The following PHLDB1 variants were observed in gnomAD, a reference collection of about 807,000 sequenced individuals.
PHLDB1 encodes pleckstrin homology-like domain family B member 1.
Under a neutral mutation model 139.3 loss-of-function variants are expected in PHLDB1, and 65 were observed. That is an observed-to-expected ratio of 0.47 (90% CI 0.38 to 0.57). PHLDB1 has a LOEUF of 0.57. PHLDB1 is among the 20% of genes least tolerant of loss of function. The probability of loss-of-function intolerance (pLI) is 0.00; values close to 1 mark genes in which losing one functional copy is unlikely to be tolerated. For synonymous variants in PHLDB1, 679 were observed against 734.5 expected, an observed-to-expected ratio of 0.92 and a Z score of 1.22; for missense variants, 1,624 against 1,839.7, an observed-to-expected ratio of 0.88 and a Z score of 2.14.
Position 118,645,335 on chromosome 11 carries a change from TC to T in PHLDB1, c.3122-18del. ...AGCTGCGTGGGGAGCCCACTGTGAC[TC>T]CCATCTGTCTCTCCTTCAGGACAAC... On this transcript the variant is annotated intron_variant, in intron 15 of 22. Coordinates refer to ENST00000600882, the MANE Select transcript of PHLDB1 (RefSeq NM_001144758.3). The surrounding 1 kb of genome is among the most constrained non-coding windows in gnomAD (Gnocchi z 5.1). 4 of 1,505,212 alleles carry T rather than the reference TC, an allele frequency of 2.7e-6. No homozygotes were observed. Among genetic ancestry groups the T allele is most frequent in the Non-Finnish European group, 3.5e-6 (4 of 1,127,058 alleles). 93.2% of individuals were successfully genotyped at this position (1,505,212 alleles called of 1,614,324 possible).
intron 10 of PHLDB1, 33 bp downstream of exon 10, chr11:118,635,581 TTGGAGGCCAGTGACC>T: frequency 6.8e-7 from 1 of 1,470,240 alleles, no homozygotes; most frequent in Non-Finnish European, 9.0e-7. Flanking sequence ...CTGCGTGCTG[TTGGAGGCCAGTGACC>T]TGGGTTTGAA....
rs1029064298 is a variant in PHLDB1 at position 118,610,315 on chromosome 11, C to T, written c.-22+2616C>T. ...TTCTCATCCTTAAGTTCTCTCGTCC[C>T]CCTCCCCACTCGGGCGTCCCCCGCT... On this transcript the variant is annotated intron_variant, in intron 1 of 22. Coordinates refer to ENST00000600882, the MANE Select transcript of PHLDB1 (RefSeq NM_001144758.3). This position sits in a 1 kb window ranked among gnomAD's most constrained non-coding sequence, Gnocchi z 8.7. 22 of 255,462 alleles carry T rather than the reference C, an allele frequency of 8.6e-5. No homozygotes were observed. Among genetic ancestry groups the T allele is most frequent in the Non-Finnish European group, 1.3e-4 (21 of 162,448 alleles). The allele number at this position is 255,462 out of a possible 1,614,324, so 15.8% of individuals were successfully genotyped here. A position where few individuals can be genotyped will look rare whatever the true frequency, so the allele number is the denominator to read the frequency against.
At position 118,632,846 on chromosome 11, in the gene PHLDB1, A is replaced by C. The variant is rs1207885563; in HGVS notation, c.2379+550A>C. 1.0e-6 allele frequency: 1 copy of C among 985,566 alleles called. No individual in the cohort carries two copies. Among genetic ancestry groups the C allele is most frequent in the Non-Finnish European group, 1.2e-6 (1 of 829,946 alleles). 61.1% of individuals were successfully genotyped at this position (985,566 alleles called of 1,614,324 possible). ...TGCAGGGGCCACTCCCAGATGCCCA[A>C]CACCGTGCCAAAAGCTCTGAAGTGG... On this transcript the variant is annotated intron_variant, in intron 9 of 22. Transcript: ENST00000600882. This position sits in a 1 kb window ranked among gnomAD's most constrained non-coding sequence, Gnocchi z 5.9.
At chr11:118,625,116 T>G in intron 5 of PHLDB1, 57 bp downstream of exon 5, 1 of 1,526,256 alleles carries the variant, frequency 6.6e-7, no homozygotes, top group Non-Finnish European at 8.8e-7. Context: ...GCAGTCCTCC[T>G]CCTTGCTCAC....
In PHLDB1 at chr11:118,645,687, C is replaced by T. The variant is rs143961262; in HGVS notation, c.3416+37C>T. The T allele has an allele frequency of 7.1e-4, 1,152 of 1,612,726 alleles. 5 individuals are homozygous for T. The highest frequency in any genetic ancestry group is 3.1e-3 in the Middle Eastern group (19 of 6,058). Reference sequence around the variant, plus strand: ...GCCTGGGCCCGCAGCCTCCCTCAGCCACCGCCTCAGCTCCTTGATGCACTT... The same window carrying T: ...GCCTGGGCCCGCAGCCTCCCTCAGCTACCGCCTCAGCTCCTTGATGCACTT... On this transcript the variant is annotated intron_variant, in intron 16 of 22. Coordinates refer to ENST00000600882, the MANE Select transcript of PHLDB1 (RefSeq NM_001144758.3). This position sits in a 1 kb window ranked among gnomAD's most constrained non-coding sequence, Gnocchi z 5.1.
In PHLDB1 at chr11:118,631,246, G is replaced by A. The variant is rs1214983957; in HGVS notation, c.1867G>A (p.Glu623Lys). 8.9e-6 allele frequency: 13 copies of A among 1,463,722 alleles called. No homozygotes were observed. The South Asian group carries it at 1.0e-4, about 12-fold the overall frequency. 90.7% of individuals were successfully genotyped at this position (1,463,722 alleles called of 1,614,324 possible). A position where few individuals can be genotyped will look rare whatever the true frequency, so the allele number is the denominator to read the frequency against. Residue 623 changes from glutamate to lysine, a missense_variant, in exon 7 of 23, where the codon GAA becomes AAA. Glu to Lys is a moderately conservative substitution (Grantham distance 56). Transcript: ENST00000600882. ...RLETILNLCA[E>K]YSRADGGPEA... ...GGAGACCATCCTGAACCTGTGTGCC[G>A]AATACAGCCGGGCTGATGGGGGACC...
rs1209075608 is a variant in PHLDB1 at position 118,632,048 on chromosome 11, C to G, written c.2236C>G (p.Arg746Gly). The G allele has an allele frequency of 2.5e-6, 4 of 1,613,806 alleles. No individual in the cohort carries two copies. The highest frequency in any genetic ancestry group is 3.4e-6 in the Non-Finnish European group (4 of 1,179,838). Residue 746 changes from arginine to glycine, a missense_variant, in exon 8 of 23, where the codon CGA (arginine) becomes GGA (glycine). Transcript: ENST00000600882. This position sits in a 1 kb window ranked among gnomAD's most constrained non-coding sequence, Gnocchi z 5.9. The stretch of plus-strand genomic sequence containing the variant: ...AGAGCAGCAGCTGCAGGAGTCAGCC[C>G]GAGAGGTGAGCCGTGAAGTCCCTAG... ...ELEQQLQESA[R>G]EAEMERALLQ...
rs60410426 is a variant in PHLDB1 at position 118,611,828 on chromosome 11, A to T, written c.-21-1988A>T. ...AGTGAAACTCCGTCTCAAAAAAAAA[A>T]AAAAAATAATAATAATAATAATAAA... On this transcript the variant is annotated intron_variant, in intron 1 of 22. Transcript: ENST00000600882. The surrounding 1 kb of genome is among the most constrained non-coding windows in gnomAD (Gnocchi z 4.7). Among the ~76,000 whole-genome samples, 1 of 135,212 alleles carries T rather than the reference A, an allele frequency of 7.4e-6. No individual in the cohort carries two copies. The highest frequency in any genetic ancestry group is 1.6e-5 in the Non-Finnish European group (1 of 60,912). The allele number at this position is 135,212 out of a possible 152,430, so 88.7% of individuals were successfully genotyped here.
At chr11:118,651,201 A>T (rs1948292988) in intron 20 of PHLDB1, 1 of 152,408 alleles carries the variant, frequency 6.6e-6, no homozygotes. Flanking sequence ...ATAAAATCCC[A>T]GTGGCTGGAC....
In PHLDB1 at chr11:118,614,562, G is replaced by C. The variant is rs1555086978; in HGVS notation, c.64G>C (p.Gly22Arg). Reference protein sequence around the residue: ...GCQTQTMVQKGPLDLIETGKG... With the variant: ...GCQTQTMVQKRPLDLIETGKG... ...CCTCCACCCGTACTACCTACAGAAA[G>C]GACCCTTGGACCTGATCGAGACAGG... The change falls in exon 3 of 23, where the codon GGA becomes CGA. Residue 22 changes from glycine (G) to arginine (R), a missense_variant. Transcript: ENST00000600882. 1 of 1,613,834 alleles carries C rather than the reference G, an allele frequency of 6.2e-7. No individual in the cohort carries two copies. The highest frequency in any genetic ancestry group is 1.6e-4 in the Middle Eastern group (1 of 6,062).
rs1361609463 is a variant in PHLDB1, at chr11:118,608,821, G to A, written c.-22+1122G>A. On this transcript the variant is annotated intron_variant, in intron 1 of 22. Transcript: ENST00000600882. This position sits in a 1 kb window ranked among gnomAD's most constrained non-coding sequence, Gnocchi z 6.7. ...TCCATGCCTTACGCCTCACAGGAAA[G>A]CGCCCCGCGCTCACGCAGCCCCTCA... 6.6e-6 allele frequency among the ~76,000 whole-genome samples: 1 copy of A among 151,940 alleles called. No homozygotes were observed. Among genetic ancestry groups the A allele is most frequent in the African/African-American group, 2.4e-5 (1 of 41,352 alleles).
chr11:118,613,264 G>A, intron 1 of PHLDB1: 1 of 983,354 alleles, frequency 1.0e-6, no homozygotes, highest in Non-Finnish European at 1.2e-6. Context: ...AGCAGGAATG[G>A]CTGAGTTTTT....
Position 118,632,047 on chromosome 11 carries a change from C to T in PHLDB1, c.2235C>T (p.Ala745=). The T allele has an allele frequency of 5.6e-6, 9 of 1,613,818 alleles. No individual in the cohort carries two copies. Among genetic ancestry groups the T allele is most frequent in the Non-Finnish European group, 7.6e-6 (9 of 1,179,856 alleles). ...TAGAGCAGCAGCTGCAGGAGTCAGC[C>T]CGAGAGGTGAGCCGTGAAGTCCCTA... ...KELEQQLQES[A]REAEMERALL... is the part of the protein sequence containing the mutation. Residue 745 remains alanine, a synonymous_variant, in exon 8 of 23, where the codon GCC becomes GCT. Transcript: ENST00000600882. This position sits in a 1 kb window ranked among gnomAD's most constrained non-coding sequence, Gnocchi z 5.9.
At chr11:118,621,698 T>A (rs531850755) in intron 4 of PHLDB1, among the ~76,000 whole-genome samples, 2 of 152,162 alleles carry the variant, frequency 1.3e-5, no homozygotes, top group Non-Finnish European at 2.9e-5. Flanking sequence ...TTGTGTGTGT[T>A]CCCTGAACAT....
At chr11:118,626,186 T>C (rs1030373860) in intron 5 of PHLDB1, among the ~76,000 whole-genome samples, 7 of 152,050 alleles carry the variant, frequency 4.6e-5, no homozygotes, top group African/African-American at 7.2e-5. Flanking sequence ...CTGCCTCTGA[T>C]TGGACGAAGT....
chr11:118,655,782 T>G, intron 21 of PHLDB1, 78 bp from the exon 22 acceptor site: 1 of 1,488,646 alleles, frequency 6.7e-7, no homozygotes, highest in Non-Finnish European at 9.4e-7. Context: ...GCCTCCAGCC[T>G]GCCCTCTACA....
intron 2 of PHLDB1, 44 bp from the exon 3 acceptor site, chr11:118,614,515 T>C: frequency 6.2e-7 from 1 of 1,607,496 alleles, no homozygotes; most frequent in Non-Finnish European, 8.5e-7. Context: ...GGTGGTAAGG[T>C]GCTGAATCTA....
chr11:118,644,175 G>A lies in PHLDB1; in HGVS notation c.3121+1G>A. ...CGCCAACTAGCTCTGCAGCAGAAGG[G>A]TGAGTGACTGCCCCGCCAGCCCACC... On this transcript the variant is annotated splice_donor_variant, in intron 15 of 22. Coordinates refer to ENST00000600882, the MANE Select transcript of PHLDB1 (RefSeq NM_001144758.3). LOFTEE classifies it high-confidence loss of function. The A allele has an allele frequency of 6.2e-7, 1 of 1,605,654 alleles. No individual in the cohort carries two copies. Among genetic ancestry groups the A allele is most frequent in the Non-Finnish European group, 8.5e-7 (1 of 1,175,860 alleles).
At chr11:118,613,181 T>A (rs1394405705) in intron 1 of PHLDB1, 1 of 569,914 alleles carries the variant, frequency 1.8e-6, no homozygotes, top group Non-Finnish European at 2.2e-6. Context: ...AAAAAAATTT[T>A]TTTAGCTGAT....
Sources: gnomAD v4.1 joint callset for allele counts (sites outside exome capture counted in the v4.1 genomes callset) on GRCh38, gnomAD v4.1.1 for gene constraint, Gnocchi (gnomAD v3.1) non-coding constraint, MANE v1.5 for transcripts, NCBI Gene and HGNC (gene_info 2026-07-23, HGNC 2026-07-21) for gene names.